SMAP1: variants seen among roughly 807,000 people sequenced by gnomAD.
The protein encoded by SMAP1 is stromal membrane-associated protein 1.
SMAP1 carries 24 observed loss-of-function variants against 58.5 expected under a neutral mutation model. The observed-to-expected ratio is 0.41, with a 90% CI of 0.30 to 0.58. The LOEUF is 0.58. SMAP1 is among the 20% of genes least tolerant of loss of function. The pLI, the probability that SMAP1 is intolerant of heterozygous loss-of-function variation, is 0.29. For synonymous variants in SMAP1, 216 were observed against 196.6 expected, an observed-to-expected ratio of 1.10 and a Z score of -0.82; for missense variants, 563 against 566.3, an observed-to-expected ratio of 0.99 and a Z score of 0.06.
intron 1 of SMAP1, among the ~76,000 whole-genome samples, chr6:70,669,352 C>G (rs1766169426): frequency 6.6e-6 from 1 of 152,170 alleles, no homozygotes; most frequent in African/African-American, 2.4e-5. Context: ...TTTGACTAGA[C>G]TGAGCCACAC....
intron 7 of SMAP1, chr6:70,837,666 C>CA (rs1770646641): frequency 2.4e-6 from 1 of 417,604 alleles, no homozygotes. Context: ...TTCTCTCTCT[C>CA]TCTTTTTTTT....
At chr6:70,812,211 T>C (rs1272138717) in intron 6 of SMAP1, among the ~76,000 whole-genome samples, 1 of 152,134 alleles carries the variant, frequency 6.6e-6, no homozygotes, top group Admixed American at 6.5e-5. Context: ...CAGAAGGAAA[T>C]AATATAGTTG....
chr6:70,772,912 G>C (rs1274348231), intron 3 of SMAP1: 1 of 155,174 alleles, frequency 6.4e-6, no homozygotes, highest in Admixed American at 6.5e-5. Flanking sequence ...ATGCACATTC[G>C]TGGGGTGTGG....
intron 1 of SMAP1, among the ~76,000 whole-genome samples, chr6:70,689,525 A>AT (rs1370025708): frequency 6.6e-6 from 1 of 151,962 alleles, no homozygotes; most frequent in Non-Finnish European, 1.5e-5. Context: ...CAACTTTGTT[A>AT]TTTTTTTCGA....
At chr6:70,826,982 A>AC (rs2149988223) in intron 6 of SMAP1, among the ~76,000 whole-genome samples, 1 of 151,006 alleles carries the variant, frequency 6.6e-6, no homozygotes, top group African/African-American at 2.4e-5. Flanking sequence ...GAAAAAAAAA[A>AC]CCCCACAGTT....
At chr6:70,773,474 A>G in intron 4 of SMAP1, 49 bp downstream of exon 4, 1 of 1,049,580 alleles carries the variant, frequency 9.5e-7, no homozygotes. Flanking sequence ...CTAGATTTCA[A>G]ACTTTTAACA....
chr6:70,787,657 C>T (rs1244136571), intron 4 of SMAP1, among the ~76,000 whole-genome samples: 1 of 152,080 alleles, frequency 6.6e-6, no homozygotes, highest in African/African-American at 2.4e-5. Context: ...ACAGACACTT[C>T]TCAAAAGAAG....
intron 1 of SMAP1, among the ~76,000 whole-genome samples, chr6:70,725,192 C>T (rs967887451): frequency 7.2e-6 from 1 of 138,452 alleles, no homozygotes; most frequent in Non-Finnish European, 1.5e-5. Context: ...TCTCGGCTCA[C>T]TGCAAGCTCT....
At chr6:70,720,296 A>G (rs1166897955) in intron 1 of SMAP1, among the ~76,000 whole-genome samples, 1 of 152,192 alleles carries the variant, frequency 6.6e-6, no homozygotes, top group Admixed American at 6.5e-5. Context: ...CATCGAGGTT[A>G]TGCTGATTCA....
intron 4 of SMAP1, among the ~76,000 whole-genome samples, chr6:70,790,655 T>C (rs1486146847): frequency 6.6e-6 from 1 of 152,156 alleles, no homozygotes; most frequent in African/African-American, 2.4e-5. Flanking sequence ...CCCTGAAGTT[T>C]ATAGTCTTGT....
intron 6 of SMAP1, among the ~76,000 whole-genome samples, chr6:70,803,017 T>C (rs1352004945): frequency 6.6e-6 from 1 of 152,248 alleles, no homozygotes; most frequent in African/African-American, 2.4e-5. Flanking sequence ...GATTCTGGCC[T>C]CATAAAATGA....
intron 1 of SMAP1, among the ~76,000 whole-genome samples, chr6:70,727,718 G>T (rs997183747): frequency 1.1e-4 from 17 of 152,094 alleles, no homozygotes; most frequent in Non-Finnish European, 8.8e-5. Context: ...TAAAATCAGG[G>T]ATTGCTAAAT....
At chr6:70,705,602 G>T (rs905954648) in intron 1 of SMAP1, among the ~76,000 whole-genome samples, 14 of 152,134 alleles carry the variant, frequency 9.2e-5, no homozygotes, top group African/African-American at 3.1e-4. Flanking sequence ...GTTTAAGAGA[G>T]AATTTTCTAA....
At chr6:70,848,607 T>C (rs1375911538) in intron 7 of SMAP1, among the ~76,000 whole-genome samples, 1 of 152,176 alleles carries the variant, frequency 6.6e-6, no homozygotes, top group Non-Finnish European at 1.5e-5. Context: ...TGTGTCCTAG[T>C]TGGTATAACT....
chr6:70,727,932 A>G (rs948446253), intron 1 of SMAP1, among the ~76,000 whole-genome samples: 1 of 152,048 alleles, frequency 6.6e-6, no homozygotes, highest in East Asian at 1.9e-4. Flanking sequence ...GCGTGGTGGT[A>G]TGTGCCTGTA....
intron 3 of SMAP1, 63 bp from the exon 4 acceptor site, chr6:70,773,287 G>A (rs540986245): frequency 3.3e-5 from 32 of 968,438 alleles, no homozygotes; most frequent in African/African-American, 5.0e-5. Flanking sequence ...GTGGAGTGGC[G>A]TGAATAAAGG....
intron 1 of SMAP1, chr6:70,694,561 G>T (rs117746159): frequency 0.01 from 1,595 of 152,800 alleles, 12 homozygotes; most frequent in Non-Finnish European, 0.015. Context: ...GCGACACAAT[G>T]AAGTGTTGAG....
chr6:70,800,932 G>T (rs1007632853), intron 6 of SMAP1, among the ~76,000 whole-genome samples: 1 of 152,142 alleles, frequency 6.6e-6, no homozygotes, highest in African/African-American at 2.4e-5. Flanking sequence ...GGACATTTGG[G>T]TTGGTTCCAA....
chr6:70,837,588 A>G (rs1430735899), intron 7 of SMAP1, among the ~76,000 whole-genome samples: 1 of 151,682 alleles, frequency 6.6e-6, no homozygotes, highest in Admixed American at 6.6e-5. Context: ...TATATTGTCT[A>G]TGTGGTAAGT....
Sources: allele counts gnomAD v4.1 joint callset (sites outside exome capture counted in the v4.1 genomes callset), GRCh38; gene constraint gnomAD v4.1.1; transcripts MANE v1.5; gene names NCBI Gene and HGNC (gene_info 2026-07-23, HGNC 2026-07-21).